Variants in STK10 observed in about 807,000 individuals in gnomAD.
The protein encoded by STK10 is serine/threonine-protein kinase 10.
In STK10, 78 loss-of-function variants were observed where a neutral mutation model predicts 113.8. The observed-to-expected ratio is 0.69, with a 90% CI of 0.57 to 0.83. The LOEUF is 0.83. Ranked by LOEUF, STK10 falls within the 40% of genes least tolerant of loss-of-function variation. STK10 has a pLI of 0.00. For synonymous variants in STK10, 465 were observed against 494.7 expected (o/e 0.94, Z 0.80); for missense variants, 1,109 against 1,280.1 (o/e 0.87, Z 2.04).
In STK10 at chr5:172,085,186, A is replaced by G. The variant is rs536628001; in HGVS notation, c.1686-2102T>C. On this transcript the variant is annotated intron_variant, in intron 10 of 18. Coordinates refer to ENST00000176763, the MANE Select transcript of STK10 (RefSeq NM_005990.4). The stretch of plus-strand genomic sequence containing the variant: ...CTTGAGCCCAGGAGGTCCAGGCTGC[A>G]GTGAGCCGTGACTATGCCGCTTGCA... Among the ~76,000 whole-genome samples, 648 of 152,158 alleles carry G rather than the reference A, an allele frequency of 4.3e-3. 6 individuals carry two copies. The highest frequency in any genetic ancestry group is 3.6e-3 in the Non-Finnish European group (245 of 68,006).
intron 2 of STK10, among the ~76,000 whole-genome samples, chr5:172,127,730 G>A (rs1358724275): frequency 6.6e-6 from 1 of 152,132 alleles, no homozygotes; most frequent in Non-Finnish European, 1.5e-5. Flanking sequence ...CTCCCTCCTC[G>A]CTCCCGCCTA....
intron 1 of STK10, among the ~76,000 whole-genome samples, chr5:172,179,018 G>A (rs562639771): frequency 1.0e-3 from 153 of 152,306 alleles, no homozygotes; most frequent in African/African-American, 3.3e-3. Context: ...GTAGTGCCAG[G>A]TGAGGAAGCG....
At chr5:172,174,002 G>A (rs550303709) in intron 1 of STK10, among the ~76,000 whole-genome samples, 2 of 152,156 alleles carry the variant, frequency 1.3e-5, no homozygotes, top group African/African-American at 2.4e-5. Flanking sequence ...GAAGCTAGGA[G>A]GAAGCTCAGA....
At chr5:172,158,254 C>T (rs1770395142) in intron 1 of STK10, among the ~76,000 whole-genome samples, 1 of 151,496 alleles carries the variant, frequency 6.6e-6, no homozygotes, top group East Asian at 1.9e-4. Flanking sequence ...ATCCTAGGAC[C>T]TAGCAATTCT....
chr5:172,081,606 A>C (rs939715839), intron 12 of STK10, among the ~76,000 whole-genome samples: 8 of 152,086 alleles, frequency 5.3e-5, no homozygotes, highest in African/African-American at 1.9e-4. Context: ...GCAGCTTCCC[A>C]AGGCCTCTGG....
rs1164639859 is a variant in STK10 at position 172,043,369 on chromosome 5, A to T, written c.*1513T>A. On this transcript the variant is annotated 3_prime_UTR_variant, in exon 19 of 19. Coordinates refer to ENST00000176763, the MANE Select transcript of STK10 (RefSeq NM_005990.4). ...CCCGGCCTAAAAATAAAGAATCTTA[A>T]ATCTGTAGGAGTGAAGGCGGAAAAA... is the stretch of plus-strand genomic sequence containing the variant. 6.6e-6 allele frequency: 1 copy of T among 152,100 alleles called. No individual in the cohort carries two copies. Among genetic ancestry groups the T allele is most frequent in the Non-Finnish European group, 1.5e-5 (1 of 68,036 alleles). 9.4% of individuals were successfully genotyped at this position (152,100 alleles called of 1,614,324 possible).
chr5:172,155,693 G>GAA (rs890597685), intron 2 of STK10, among the ~76,000 whole-genome samples: 1 of 146,116 alleles, frequency 6.8e-6, no homozygotes, highest in Admixed American at 6.8e-5. Context: ...GGAAGAATTA[G>GAA]AAAAAAAAAA....
intron 15 of STK10, among the ~76,000 whole-genome samples, chr5:172,056,125 T>C (rs11134727): frequency 0.046 from 6,945 of 152,238 alleles, 214 homozygotes; most frequent in South Asian, 0.063. Context: ...AAAATCCTGA[T>C]AGATTTGAAT....
intron 2 of STK10, among the ~76,000 whole-genome samples, chr5:172,141,895 C>T (rs1357896019): frequency 2.6e-5 from 4 of 152,158 alleles, no homozygotes; most frequent in African/African-American, 7.2e-5. Flanking sequence ...GTCGTGGTGC[C>T]GTGTAAGGGT....
chr5:172,081,556 C>T (rs774950941), intron 12 of STK10, among the ~76,000 whole-genome samples: 7 of 152,078 alleles, frequency 4.6e-5, no homozygotes, highest in Admixed American at 1.3e-4. Flanking sequence ...AAGGTGACTG[C>T]CTCAACTGCT....
At chr5:172,165,848 CAATGGTGCG>C (rs1770560720) in intron 1 of STK10, among the ~76,000 whole-genome samples, 1 of 151,532 alleles carries the variant, frequency 6.6e-6, no homozygotes, top group Non-Finnish European at 1.5e-5. Flanking sequence ...GGCTGGAGTG[CAATGGTGCG>C]ATCTTGGCTC....
At chr5:172,086,752 C>T (rs1165017146) in intron 10 of STK10, among the ~76,000 whole-genome samples, 3 of 152,204 alleles carry the variant, frequency 2.0e-5, no homozygotes, top group Non-Finnish European at 4.4e-5. Flanking sequence ...AGTTTACAGG[C>T]GCTCAGACCT....
chr5:172,130,493 A>G (rs4867670), intron 2 of STK10, among the ~76,000 whole-genome samples: 150,129 of 150,772 alleles, frequency 1, 74,745 homozygotes, highest in Middle Eastern at 1. Flanking sequence ...ATCACACCAC[A>G]GCATTCCAGT....
intron 13 of STK10, chr5:172,064,497 G>A (rs748492116): frequency 5.0e-6 from 3 of 595,352 alleles, no homozygotes; most frequent in Non-Finnish European, 6.0e-6. Flanking sequence ...AAAGTGTTGG[G>A]GTATCCAGAG....
intron 4 of STK10, among the ~76,000 whole-genome samples, chr5:172,114,289 C>CGTGTGTGTGTGT (rs111441878): frequency 2.8e-4 from 39 of 138,830 alleles, no homozygotes; most frequent in Non-Finnish European, 3.4e-4. Flanking sequence ...TAGCTACTCT[C>CGTGTGTGTGTGT]GTGTGTGTGT....
intron 1 of STK10, among the ~76,000 whole-genome samples, chr5:172,182,743 G>A (rs1282828547): frequency 6.6e-6 from 1 of 150,898 alleles, no homozygotes. Context: ...CCGTAGAGAC[G>A]GGGTTTCACC....
chr5:172,079,547 A>ATATTTATT (rs554176659), intron 12 of STK10, among the ~76,000 whole-genome samples: 7 of 140,378 alleles, frequency 5.0e-5, no homozygotes, highest in South Asian at 2.2e-4. Flanking sequence ...ATATATACAT[A>ATATTTATT]TATTTATTTA....
chr5:172,111,205 C>T (rs1383270409), intron 4 of STK10, among the ~76,000 whole-genome samples: 1 of 152,050 alleles, frequency 6.6e-6, no homozygotes, highest in South Asian at 2.1e-4. Flanking sequence ...CCAGGCCCCC[C>T]TGTGGGCCTG....
intron 5 of STK10, 69 bp from the exon 6 acceptor site, chr5:172,106,883 G>T: frequency 6.8e-7 from 1 of 1,474,438 alleles, no homozygotes; most frequent in Non-Finnish European, 9.1e-7. Context: ...GACATTCAGG[G>T]TCAAGGGCCA....
Sources: allele counts gnomAD v4.1 joint callset (sites outside exome capture counted in the v4.1 genomes callset), GRCh38; gene constraint gnomAD v4.1.1; transcripts MANE v1.5; gene names NCBI Gene and HGNC (gene_info 2026-07-23, HGNC 2026-07-21).